The following CDC42BPA variants were observed in gnomAD, a reference collection of about 807,000 sequenced individuals.
The protein encoded by CDC42BPA is CDC42 binding protein kinase alpha, also known as serine/threonine-protein kinase MRCK alpha.
CDC42BPA carries 80 observed loss-of-function variants against 223.5 expected under a neutral mutation model. The observed-to-expected ratio is 0.36, with a 90% CI of 0.30 to 0.43. CDC42BPA has a LOEUF of 0.43. Among genes scored for constraint, CDC42BPA ranks in the 20% least tolerant of loss-of-function variants. CDC42BPA has a pLI of 1.00. For missense variants in CDC42BPA, 1,743 were observed against 2,099.9 expected (o/e 0.83, Z 3.32); for synonymous variants, 694 against 718.6 (o/e 0.97, Z 0.55).
intron 15 of CDC42BPA, among the ~76,000 whole-genome samples, chr1:227,100,716 T>TGG: frequency 6.9e-6 from 1 of 145,676 alleles, no homozygotes; most frequent in Admixed American, 6.9e-5. Context: ...AGATTATAGG[T>TGG]GTGTGTGTGT....
At chr1:227,129,799 T>C (rs1656684794) in intron 10 of CDC42BPA, among the ~76,000 whole-genome samples, 1 of 151,214 alleles carries the variant, frequency 6.6e-6, no homozygotes, top group Non-Finnish European at 1.5e-5. Flanking sequence ...AGCTCCTTTT[T>C]CTCCTAGTAG....
intron 11 of CDC42BPA, among the ~76,000 whole-genome samples, chr1:227,125,138 A>C (rs750802901): frequency 1.3e-5 from 2 of 151,864 alleles, no homozygotes; most frequent in Non-Finnish European, 2.9e-5. Context: ...GGATTAGGAA[A>C]GGGGTAGACC....
At chr1:227,192,826 A>T (rs7550555) in intron 5 of CDC42BPA, among the ~76,000 whole-genome samples, 1 of 151,856 alleles carries the variant, frequency 6.6e-6, no homozygotes, top group East Asian at 1.9e-4. Context: ...ATCTCTTTTG[A>T]CACATACAAT....
intron 34 of CDC42BPA, among the ~76,000 whole-genome samples, chr1:227,015,541 CA>C: frequency 6.6e-6 from 1 of 152,302 alleles, no homozygotes; most frequent in South Asian, 2.1e-4. Context: ...AGGCATGAGC[CA>C]CTACACCTGG....
intron 5 of CDC42BPA, among the ~76,000 whole-genome samples, chr1:227,181,922 A>G (rs1467736336): frequency 6.6e-6 from 1 of 152,158 alleles, no homozygotes; most frequent in South Asian, 2.1e-4. Context: ...CCCTACTTCA[A>G]CCTCCAACAC....
intron 34 of CDC42BPA, among the ~76,000 whole-genome samples, chr1:227,014,882 C>G (rs934553764): frequency 1.3e-5 from 2 of 152,190 alleles, no homozygotes; most frequent in African/African-American, 2.4e-5. Flanking sequence ...CTGGCTAATT[C>G]CACTAATATT....
At chr1:227,150,480 C>T (rs1558619660) in intron 6 of CDC42BPA, among the ~76,000 whole-genome samples, 1 of 152,038 alleles carries the variant, frequency 6.6e-6, no homozygotes, top group Non-Finnish European at 1.5e-5. Flanking sequence ...TATAGTATTA[C>T]CTACCTACCT....
At chr1:227,000,794 A>G (rs1275020691) in intron 35 of CDC42BPA, among the ~76,000 whole-genome samples, 1 of 151,496 alleles carries the variant, frequency 6.6e-6, no homozygotes, top group East Asian at 1.9e-4. Context: ...AAGAAAGGTT[A>G]CATTCAAACA....
At chr1:227,151,535 A>AT (rs1423826803) in intron 6 of CDC42BPA, among the ~76,000 whole-genome samples, 2 of 152,056 alleles carry the variant, frequency 1.3e-5, no homozygotes, top group Non-Finnish European at 2.9e-5. Flanking sequence ...TCTATTTTCA[A>AT]TTTTTTGAAG....
intron 35 of CDC42BPA, among the ~76,000 whole-genome samples, chr1:226,997,658 T>G (rs930198457): frequency 2.6e-5 from 4 of 152,240 alleles, no homozygotes; most frequent in Admixed American, 6.5e-5. Context: ...GTGTCTTTGT[T>G]CTCATTGGTC....
intron 1 of CDC42BPA, among the ~76,000 whole-genome samples, chr1:227,286,195 T>G (rs1282073965): frequency 6.6e-6 from 1 of 152,236 alleles, no homozygotes; most frequent in African/African-American, 2.4e-5. Context: ...CAAAATTTTA[T>G]GCTGTTTCCC....
chr1:227,152,744 C>T (rs1478372000), intron 6 of CDC42BPA, among the ~76,000 whole-genome samples: 3 of 152,016 alleles, frequency 2.0e-5, no homozygotes, highest in Admixed American at 6.6e-5. Flanking sequence ...ACCTGTTAAA[C>T]AAACCTGTTA....
At position 227,028,732 on chromosome 1, in the gene CDC42BPA, C is replaced by T; in HGVS notation, c.4357G>A (p.Gly1453Arg). ...CGGCCCTGGCAGTCAGTGTATATCC[C>T]AATGCTGTTAAAACACAGCAGATAT... is the stretch of plus-strand genomic sequence containing the variant. ...KEYLLCFNSI[G>R]IYTDCQGRRS... Residue 1453 changes from glycine (G) to arginine (R), a missense_variant, in exon 30 of 37, where the codon GGG becomes AGG. Physicochemically the swap from Gly to Arg is moderately radical, Grantham distance 125 (BLOSUM62 -2). Transcript: ENST00000366766. The T allele has an allele frequency of 6.2e-7, 1 of 1,613,716 alleles. No individual in the cohort carries two copies. Among genetic ancestry groups the T allele is most frequent in the Non-Finnish European group, 8.5e-7 (1 of 1,179,746 alleles).
intron 20 of CDC42BPA, among the ~76,000 whole-genome samples, chr1:227,070,744 G>T (rs1019393870): frequency 1.3e-5 from 2 of 151,796 alleles, no homozygotes; most frequent in Non-Finnish European, 3.0e-5. Flanking sequence ...TTATATTACT[G>T]AAGTAGTAGT....
At chr1:227,064,882 A>G (rs529077725) in intron 21 of CDC42BPA, among the ~76,000 whole-genome samples, 16 of 152,102 alleles carry the variant, frequency 1.1e-4, no homozygotes, top group South Asian at 2.1e-4. Flanking sequence ...CAGATCACGA[A>G]GTCAGGAGAT....
At position 227,073,736 on chromosome 1, in the gene CDC42BPA, A is replaced by G. The variant is rs560746192; in HGVS notation, c.2735+128T>C. The G allele has an allele frequency of 1.3e-5, 9 of 687,046 alleles. No individual in the cohort carries two copies. The South Asian group carries it at 1.8e-4, about 14-fold the overall frequency. The allele number at this position is 687,046 out of a possible 1,614,324, so 42.6% of individuals were successfully genotyped here. ...CTTAAAAGCATCTAGTTATTTTCAA[A>G]TCTTTGTAACATATTTGGCCATCAT... On this transcript the variant is annotated intron_variant, in intron 19 of 36. Coordinates refer to ENST00000366766, the MANE Select transcript of CDC42BPA (RefSeq NM_001394014.1).
chr1:227,029,835 C>G (rs1405809499), intron 29 of CDC42BPA, among the ~76,000 whole-genome samples: 5 of 152,004 alleles, frequency 3.3e-5, no homozygotes, highest in Non-Finnish European at 7.4e-5. Context: ...CATGTTCCAT[C>G]TTTAGAAATG....
chr1:227,175,745 A>C (rs1666843145), intron 5 of CDC42BPA, among the ~76,000 whole-genome samples: 1 of 152,132 alleles, frequency 6.6e-6, no homozygotes, highest in South Asian at 2.1e-4. Flanking sequence ...AGTCTTTGAA[A>C]GCTTATTTGC....
At chr1:227,042,633 A>C (rs1414136727) in intron 23 of CDC42BPA, among the ~76,000 whole-genome samples, 3 of 152,202 alleles carry the variant, frequency 2.0e-5, no homozygotes, top group African/African-American at 7.2e-5. Flanking sequence ...GTATAAAGAA[A>C]GACACAGGAA....
Sources: gnomAD v4.1 joint callset for allele counts (sites outside exome capture counted in the v4.1 genomes callset) on GRCh38, gnomAD v4.1.1 for gene constraint, MANE v1.5 for transcripts, NCBI Gene and HGNC (gene_info 2026-07-23, HGNC 2026-07-21) for gene names.